Variants in CDHR2 observed in about 807,000 individuals in gnomAD.
The protein encoded by CDHR2 is cadherin related family member 2, also known as cadherin-related family member 2.
CDHR2 carries 104 observed loss-of-function variants against 138.6 expected under a neutral mutation model. The observed-to-expected ratio is 0.75, with a 90% CI of 0.64 to 0.88. The LOEUF (loss-of-function observed/expected upper bound fraction) is 0.88, where lower values mean the gene tolerates loss of function less well. Among genes scored for constraint, CDHR2 ranks in the 40% least tolerant of loss-of-function variants. The probability of loss-of-function intolerance (pLI) is 0.00; values close to 1 mark genes in which losing one functional copy is unlikely to be tolerated. For missense variants in CDHR2, 1,624 were observed against 1,727.6 expected, an observed-to-expected ratio of 0.94 and a Z score of 1.06; for synonymous variants, 755 against 742.8, an observed-to-expected ratio of 1.02 and a Z score of -0.27.
chr5:176,550,779 C>T (rs1220171660), intron 1 of CDHR2, among the ~76,000 whole-genome samples: 1 of 152,176 alleles, frequency 6.6e-6, no homozygotes. Flanking sequence ...CCTGACCCTC[C>T]TGGAGGTCCT....
intron 1 of CDHR2, among the ~76,000 whole-genome samples, chr5:176,555,535 C>T (rs1757801055): frequency 6.6e-6 from 1 of 152,086 alleles, no homozygotes; most frequent in African/African-American, 2.4e-5. Flanking sequence ...CTGCTGCCCC[C>T]AGTTCAGCCC....
In CDHR2 at chr5:176,574,067, G is replaced by A. The variant is rs368192528; in HGVS notation, c.406-16G>A. ...AGCTGGATTTGAGCTCATAGGTGAC[G>A]AGTCCCTCCCTGCAGACCCTGCCCG... On this transcript the variant is annotated splice_polypyrimidine_tract_variant and intron_variant, in intron 6 of 31. Transcript: ENST00000261944. 8 of 1,606,334 alleles carry A rather than the reference G, an allele frequency of 5.0e-6. No individual in the cohort carries two copies. The highest frequency in any genetic ancestry group is 4.0e-5 in the African/African-American group (3 of 74,740).
Position 176,578,116 on chromosome 5 carries a change from G to C in CDHR2, c.1574+21G>C, listed in dbSNP as rs117972146. ...AATGGGTAAGGGCTCAGGGTGGGCC[G>C]TAGGCAGGTGGGTGAGCAGGGCCCA... On this transcript the variant is annotated intron_variant, in intron 15 of 31. Transcript: ENST00000261944. 3.0e-4 allele frequency: 476 copies of C among 1,602,120 alleles called. 2 individuals carry two copies. The East Asian group carries it at 9.2e-3, about 31-fold the overall frequency.
chr5:176,574,507 G>T (rs188594406), intron 7 of CDHR2, among the ~76,000 whole-genome samples: 1 of 152,160 alleles, frequency 6.6e-6, no homozygotes, highest in South Asian at 2.1e-4. Flanking sequence ...CACCAACCAC[G>T]TGCCTGGCAC....
intron 20 of CDHR2, among the ~76,000 whole-genome samples, 161 bp downstream of exon 20, chr5:176,586,186 G>A (rs1758661568): frequency 6.6e-6 from 1 of 152,056 alleles, no homozygotes; most frequent in Admixed American, 6.6e-5. Context: ...GGACATTGGA[G>A]TTTTCTTTTT....
At chr5:176,568,054 G>T (rs1758124024) in intron 3 of CDHR2, among the ~76,000 whole-genome samples, 1 of 152,264 alleles carries the variant, frequency 6.6e-6, no homozygotes, top group Admixed American at 6.5e-5. Flanking sequence ...GCATCTTCAT[G>T]AAAAGAAGAA....
chr5:176,566,154 T>A (rs1284064632), intron 3 of CDHR2, among the ~76,000 whole-genome samples: 1 of 152,070 alleles, frequency 6.6e-6, no homozygotes, highest in African/African-American at 2.4e-5. Context: ...CAGAAGCTAA[T>A]GACTCACTTT....
chr5:176,573,298 T>C (rs1758277208), intron 6 of CDHR2, among the ~76,000 whole-genome samples: 1 of 151,852 alleles, frequency 6.6e-6, no homozygotes, highest in Non-Finnish European at 1.5e-5. Flanking sequence ...AGAAGAGTTA[T>C]GTGGTCTGAT....
At chr5:176,557,834 A>T (rs1489710866) in intron 1 of CDHR2, among the ~76,000 whole-genome samples, 2 of 151,526 alleles carry the variant, frequency 1.3e-5, no homozygotes, top group Non-Finnish European at 2.9e-5. Context: ...CAGCCTCTCA[A>T]ATAGCTGGGG....
At chr5:176,568,900 C>T in intron 4 of CDHR2, 60 bp from the exon 5 acceptor site, 1 of 1,611,108 alleles carries the variant, frequency 6.2e-7, no homozygotes, top group Non-Finnish European at 8.5e-7. Context: ...GGTGGCGGCA[C>T]CCCCTGTGCT....
intron 1 of CDHR2, among the ~76,000 whole-genome samples, chr5:176,552,328 A>G (rs11745730): frequency 0.52 from 78,666 of 152,244 alleles, 24,961 homozygotes; most frequent in Non-Finnish European, 0.7. Flanking sequence ...AAGGCAAAGA[A>G]AGACATTCTG....
chr5:176,595,497 C>G, intron 31 of CDHR2, 35 bp from the exon 32 acceptor site: 1 of 1,551,348 alleles, frequency 6.4e-7, no homozygotes, highest in Non-Finnish European at 8.7e-7. Context: ...CCCACCTTGC[C>G]TTGCCCTTCA....
rs138477309 is a variant in CDHR2 at position 176,568,814 on chromosome 5, C to A, written c.261C>A (p.Tyr87Ter). The A allele has an allele frequency of 9.1e-5, 147 of 1,614,106 alleles. No individual in the cohort carries two copies. In the African/African-American group the frequency reaches 1.7e-3, roughly 19 times the overall value. The change falls in exon 4 of 32, where the codon TAC (tyrosine) becomes TAA (stop). Residue 87 changes from tyrosine (Y) to a stop codon, truncating the protein, a stop_gained. Transcript: ENST00000261944. LOFTEE classifies it high-confidence loss of function. Reference sequence around the variant, plus strand: ...TGAAGCTGGCCAGCGCTCTGGACTACGAGGTAAAGAGCATCAGCCGGAGAG... The same window carrying A: ...TGAAGCTGGCCAGCGCTCTGGACTAAGAGGTAAAGAGCATCAGCCGGAGAG... Reference protein sequence around the residue: ...GEVKLASALDYETLYTFKVTI... With the variant: ...GEVKLASALD
intron 21 of CDHR2, among the ~76,000 whole-genome samples, chr5:176,588,614 T>C (rs1002439628): frequency 1.4e-5 from 2 of 143,174 alleles, no homozygotes; most frequent in African/African-American, 5.2e-5. Flanking sequence ...TGCATATGTG[T>C]GTAAGTGTGT....
chr5:176,567,209 C>T, intron 3 of CDHR2: 1 of 340,240 alleles, frequency 2.9e-6, no homozygotes, highest in African/African-American at 2.2e-5. Flanking sequence ...GGCTCTGTCC[C>T]CCAGGCTGGA....
At chr5:176,547,661 C>T (rs758461562), upstream of CDHR2, 2 of 152,260 alleles carry the variant, frequency 1.3e-5, no homozygotes, top group Non-Finnish European at 2.9e-5. Context: ...ATCCTGGCCT[C>T]AAGCCATCCT....
chr5:176,575,934 C>T lies in CDHR2; in HGVS notation c.961-18C>T, dbSNP rs201634441. 164 of 1,599,094 alleles carry T rather than the reference C, an allele frequency of 1.0e-4. No individual in the cohort carries two copies. The highest frequency in any genetic ancestry group is 1.4e-4 in the Non-Finnish European group (160 of 1,172,888). On this transcript the variant is annotated intron_variant, in intron 11 of 31. Coordinates refer to ENST00000261944, the MANE Select transcript of CDHR2 (RefSeq NM_017675.6). ...GAGCACTGGCTCTCTGCCCTCTGCC[C>T]TCTGCTCTGTGCCTCAGGCCACCGA...
chr5:176,551,472 C>G (rs1252838329), intron 1 of CDHR2, among the ~76,000 whole-genome samples: 1 of 151,830 alleles, frequency 6.6e-6, no homozygotes, highest in African/African-American at 2.4e-5. Context: ...TATAGATAGT[C>G]CCCATTTTAA....
chr5:176,590,747 C>T (rs1160692341), intron 28 of CDHR2, 60 bp downstream of exon 28: 22 of 1,606,982 alleles, frequency 1.4e-5, no homozygotes, highest in East Asian at 8.9e-5. Context: ...CCCAAGACGT[C>T]GGGGGGTAGG....
Sources: allele counts gnomAD v4.1 joint callset (sites outside exome capture counted in the v4.1 genomes callset), GRCh38; gene constraint gnomAD v4.1.1; transcripts MANE v1.5; gene names NCBI Gene and HGNC (gene_info 2026-07-23, HGNC 2026-07-21).